The following PREX2 variants were observed in gnomAD, a reference collection of about 807,000 sequenced individuals.
The protein encoded by PREX2 is phosphatidylinositol 3,4,5-trisphosphate-dependent Rac exchanger 2 protein.
Under a neutral mutation model 203.2 loss-of-function variants are expected in PREX2, and 107 were observed. The observed-to-expected ratio is 0.53, with a 90% CI of 0.45 to 0.62. PREX2 has a LOEUF of 0.62. Ranked by LOEUF, PREX2 falls within the 20% of genes least tolerant of loss-of-function variation. PREX2 has a pLI of 0.00. For synonymous variants in PREX2, 672 were observed against 663.6 expected (o/e 1.01, Z -0.19); for missense variants, 1,777 against 1,955.9 (o/e 0.91, Z 1.72).
intron 20 of PREX2, among the ~76,000 whole-genome samples, chr8:68,092,199 A>T (rs1028821642): frequency 6.6e-6 from 1 of 152,136 alleles, no homozygotes; most frequent in Non-Finnish European, 1.5e-5. Flanking sequence ...TAAATGTTCT[A>T]CTTAGATTGT....
chr8:68,032,869 G>C (rs907640420), intron 6 of PREX2, among the ~76,000 whole-genome samples: 5 of 152,086 alleles, frequency 3.3e-5, no homozygotes, highest in African/African-American at 1.2e-4. Context: ...TTGACGTTAG[G>C]AGTCTTGGGC....
intron 37 of PREX2, among the ~76,000 whole-genome samples, chr8:68,207,799 G>C (rs1812665431): frequency 6.6e-6 from 1 of 151,994 alleles, no homozygotes; most frequent in Admixed American, 6.6e-5. Context: ...TCCAACTCAG[G>C]AAATTCTCTC....
chr8:68,161,503 T>C (rs1811653004), intron 35 of PREX2, among the ~76,000 whole-genome samples: 1 of 152,130 alleles, frequency 6.6e-6, no homozygotes, highest in South Asian at 2.1e-4. Flanking sequence ...TAATGTTAAG[T>C]TTTTAGAAAA....
At chr8:68,117,959 A>G (rs1026750276) in intron 26 of PREX2, among the ~76,000 whole-genome samples, 2 of 152,246 alleles carry the variant, frequency 1.3e-5, no homozygotes, top group African/African-American at 4.8e-5. Context: ...AAAGAATTTT[A>G]AGTTTGGCAT....
chr8:68,074,026 G>A (rs1735057549), intron 14 of PREX2, among the ~76,000 whole-genome samples: 1 of 151,868 alleles, frequency 6.6e-6, no homozygotes, highest in African/African-American at 2.4e-5. Flanking sequence ...GAGTGCAGTG[G>A]CTCAATCTCG....
intron 33 of PREX2, among the ~76,000 whole-genome samples, chr8:68,145,297 C>A (rs1563564449): frequency 6.6e-6 from 1 of 151,938 alleles, no homozygotes; most frequent in Non-Finnish European, 1.5e-5. Flanking sequence ...ATGTTAATGT[C>A]ATGTTTCCCA....
At chr8:68,207,693 T>C (rs1812663001) in intron 37 of PREX2, among the ~76,000 whole-genome samples, 1 of 152,138 alleles carries the variant, frequency 6.6e-6, no homozygotes, top group Non-Finnish European at 1.5e-5. Context: ...CTGTGTGTTG[T>C]ATATTATTAT....
intron 25 of PREX2, among the ~76,000 whole-genome samples, chr8:68,115,239 G>T (rs982345173): frequency 2.6e-5 from 4 of 152,100 alleles, no homozygotes; most frequent in Admixed American, 6.6e-5. Context: ...AGTTGGTCAG[G>T]CTGGTCTCGA....
chr8:68,195,001 C>T (rs1812368617), intron 37 of PREX2, among the ~76,000 whole-genome samples: 1 of 152,138 alleles, frequency 6.6e-6, no homozygotes, highest in South Asian at 2.1e-4. Context: ...GGTACAAGAT[C>T]ATAGTTATCA....
chr8:67,976,539 C>CGGGAGAGAGACA (rs1806099663), intron 1 of PREX2, among the ~76,000 whole-genome samples: 1 of 40,314 alleles, frequency 2.5e-5, no homozygotes, highest in Non-Finnish European at 4.9e-5. Context: ...GAGAGAGAGA[C>CGGGAGAGAGACA]GGGAGAGAGA....
intron 35 of PREX2, among the ~76,000 whole-genome samples, chr8:68,169,281 C>G (rs944473686): frequency 1.3e-5 from 2 of 152,192 alleles, no homozygotes; most frequent in Non-Finnish European, 2.9e-5. Context: ...AGGCCACGCA[C>G]CCATTCCTGG....
chr8:67,952,416 G>T lies in PREX2; in HGVS notation c.22G>T (p.Asp8Tyr). The change falls in exon 1 of 40, where the codon GAC becomes TAC. Residue 8 changes from aspartate (D) to tyrosine (Y), a missense_variant. Transcript: ENST00000288368. ...GACCATGAGCGAGGACAGCCGCGGA[G>T]ACAGCCGCGCCGAGAGCGCCAAGGA... MSEDSRG[D>Y]SRAESAKDLE... 1 of 1,568,694 alleles carries T rather than the reference G, an allele frequency of 6.4e-7. No homozygotes were observed. The highest frequency in any genetic ancestry group is 1.9e-5 in the Admixed American group (1 of 53,746).
chr8:68,013,627 T>A (rs913169709), intron 1 of PREX2, among the ~76,000 whole-genome samples: 4 of 152,180 alleles, frequency 2.6e-5, no homozygotes, highest in Non-Finnish European at 5.9e-5. Flanking sequence ...TGATGTGATA[T>A]TATTGTTTTA....
intron 14 of PREX2, among the ~76,000 whole-genome samples, chr8:68,076,899 C>T (rs998758691): frequency 5.3e-5 from 8 of 151,886 alleles, no homozygotes; most frequent in Admixed American, 1.3e-4. Flanking sequence ...CTCAGCCAAA[C>T]GATTTACTTG....
chr8:68,157,319 C>T lies in PREX2; in HGVS notation c.4232-3C>T. 6.6e-7 allele frequency: 1 copy of T among 1,514,472 alleles called. No individual in the cohort carries two copies. The highest frequency in any genetic ancestry group is 9.1e-7 in the Non-Finnish European group (1 of 1,095,204). The allele number at this position is 1,514,472 out of a possible 1,614,324, so 93.8% of individuals were successfully genotyped here. A position where few individuals can be genotyped will look rare whatever the true frequency, so the allele number is the denominator to read the frequency against. On this transcript the variant is annotated splice_region_variant and splice_polypyrimidine_tract_variant and intron_variant, in intron 34 of 39. Transcript: ENST00000288368. ...TGTAAAATATGTTTACTTGTTTACA[C>T]AGCACTAGAGAGCATGGAAGGATAT...
At chr8:68,226,872 G>C (rs1453705080) in intron 39 of PREX2, among the ~76,000 whole-genome samples, 1 of 152,166 alleles carries the variant, frequency 6.6e-6, no homozygotes, top group African/African-American at 2.4e-5. Flanking sequence ...GAATACTCCT[G>C]GGCCTGTCAG....
intron 33 of PREX2, 133 bp from the exon 34 acceptor site, chr8:68,146,076 C>A: frequency 1.6e-6 from 1 of 614,082 alleles, no homozygotes; most frequent in Non-Finnish European, 2.8e-6. Flanking sequence ...TGTCGAATCC[C>A]AACTTGATAA....
At chr8:68,033,980 T>C (rs1361403002) in intron 6 of PREX2, among the ~76,000 whole-genome samples, 2 of 152,192 alleles carry the variant, frequency 1.3e-5, no homozygotes, top group Non-Finnish European at 2.9e-5. Flanking sequence ...GGCAGCTTGA[T>C]TCTAAAGCTT....
At chr8:68,001,781 G>A (rs1326853586) in intron 1 of PREX2, among the ~76,000 whole-genome samples, 1 of 152,184 alleles carries the variant, frequency 6.6e-6, no homozygotes, top group Admixed American at 6.5e-5. Context: ...ATGAGATTAT[G>A]TCCTTTTCAG....
Sources: gnomAD v4.1 joint callset for allele counts (sites outside exome capture counted in the v4.1 genomes callset) on GRCh38, gnomAD v4.1.1 for gene constraint, MANE v1.5 for transcripts, NCBI Gene and HGNC (gene_info 2026-07-23, HGNC 2026-07-21) for gene names.